Variants in SELENOO observed in about 807,000 individuals in gnomAD.
SELENOO encodes the protein protein adenylyltransferase SelO, mitochondrial.
In SELENOO, 74 loss-of-function variants were observed where a neutral mutation model predicts 58.7. That is an observed-to-expected ratio of 1.26 (90% CI 1.04 to 1.53). The LOEUF (loss-of-function observed/expected upper bound fraction) is 1.53. Among genes scored for constraint, SELENOO ranks in the 40% most tolerant of loss-of-function variants. The pLI is 0.00. For synonymous variants in SELENOO, 543 were observed against 453.2 expected (o/e 1.20, Z -2.52); for missense variants, 1,149 against 970.0 (o/e 1.18, Z -2.45).
chr22:50,211,432 G>A (rs1327004823), intron 5 of SELENOO, among the ~76,000 whole-genome samples: 1 of 152,300 alleles, frequency 6.6e-6, no homozygotes, highest in Non-Finnish European at 1.5e-5. Context: ...CGTGTATGTT[G>A]AACAGAAGGA....
At chr22:50,216,477 C>T (rs143358267) in intron 6 of SELENOO, among the ~76,000 whole-genome samples, 1,662 of 152,360 alleles carry the variant, frequency 0.011, 20 homozygotes, top group South Asian at 0.021. Context: ...GCCCCTCGGC[C>T]CACAAAGGGC....
At chr22:50,215,978 T>C (rs1387256690) in intron 6 of SELENOO, 111 bp downstream of exon 6, 10 of 926,016 alleles carry the variant, frequency 1.1e-5, no homozygotes, top group Non-Finnish European at 1.6e-5. Flanking sequence ...CCCAGGTGGC[T>C]GCTCCGCTCC....
At chr22:50,215,992 G>C (rs1481230696) in intron 6 of SELENOO, 125 bp downstream of exon 6, 1 of 798,548 alleles carries the variant, frequency 1.3e-6, no homozygotes, top group Admixed American at 2.8e-5. Flanking sequence ...CCGCTCCCAG[G>C]GACAGATTCA....
At chr22:50,216,532 AT>A (rs2064413048) in intron 6 of SELENOO, among the ~76,000 whole-genome samples, 158 bp from the exon 7 acceptor site, 1 of 152,204 alleles carries the variant, frequency 6.6e-6, no homozygotes, top group Non-Finnish European at 1.5e-5. Context: ...ACTGGGGTCC[AT>A]CCCTGCCAGT....
rs1569106122 is a variant in SELENOO at position 50,217,141 on chromosome 22, CTGTCCCTGT to C, written c.1845+14_1845+22del. On this transcript the variant is annotated intron_variant, in intron 8 of 8. Transcript: ENST00000380903. Reference sequence around the variant, plus strand: ...GGACTTCTCAGAGGCAAGCACACGCCTGTCCCTGTGGTCCCTGGGAGGGGGGTCGGCCCC... The same window carrying C: ...GGACTTCTCAGAGGCAAGCACACGCCGGTCCCTGGGAGGGGGGTCGGCCCC... 11 of 1,611,724 alleles carry C rather than the reference CTGTCCCTGT, an allele frequency of 6.8e-6. No homozygotes were observed. Among genetic ancestry groups the C allele is most frequent in the Non-Finnish European group, 5.1e-6 (6 of 1,178,980 alleles).
chr22:50,214,670 T>C (rs2013430), intron 5 of SELENOO, among the ~76,000 whole-genome samples: 100,785 of 151,780 alleles, frequency 0.66, 34,604 homozygotes, highest in African/African-American at 0.85. Flanking sequence ...GAGGCTGAGG[T>C]AGGAGAATTG....
In SELENOO at chr22:50,201,192, CCGCGCCCTG is replaced by C. The variant is rs1013965200; in HGVS notation, c.167_175del (p.Arg56_Leu58del). 5.0e-5 allele frequency: 61 copies of C among 1,209,784 alleles called. No individual in the cohort carries two copies. Among genetic ancestry groups the C allele is most frequent in the Non-Finnish European group, 5.9e-5 (57 of 974,142 alleles). 74.9% of individuals were successfully genotyped at this position (1,209,784 alleles called of 1,614,324 possible). A position where few individuals can be genotyped will look rare whatever the true frequency, so the allele number is the denominator to read the frequency against. The stretch of plus-strand genomic sequence containing the variant: ...GGCTGGCGGGGCTGCGCTTCGACAA[CCGCGCCCTG>C]CGCGCCCTGCCCGTGGAGGCGCCGC... On this transcript the variant is annotated inframe_deletion, in exon 1 of 9. Transcript: ENST00000380903.
chr22:50,212,868 C>T (rs572509345), intron 5 of SELENOO, among the ~76,000 whole-genome samples: 26 of 151,840 alleles, frequency 1.7e-4, no homozygotes, highest in African/African-American at 6.0e-4. Flanking sequence ...CTCTAATCTT[C>T]GTGTAAGTGG....
chr22:50,217,162 G>C, intron 8 of SELENOO, 34 bp downstream of exon 8: 14 of 1,609,424 alleles, frequency 8.7e-6, no homozygotes, highest in Non-Finnish European at 1.1e-5. Context: ...GTCCCTGGGA[G>C]GGGGGTCGGC....
chr22:50,208,901 T>G, intron 3 of SELENOO, 185 bp downstream of exon 3: 1 of 522,404 alleles, frequency 1.9e-6, no homozygotes, highest in Non-Finnish European at 3.4e-6. Flanking sequence ...AACCTGAAAC[T>G]CCCCTGGGCT....
chr22:50,215,155 G>C (rs992804477), intron 5 of SELENOO, among the ~76,000 whole-genome samples: 6 of 152,174 alleles, frequency 3.9e-5, no homozygotes, highest in African/African-American at 1.4e-4. Context: ...GGGGAGGATC[G>C]CAGTGTCTGT....
chr22:50,210,538 G>A (rs2064362016), intron 4 of SELENOO, 93 bp from the exon 5 acceptor site: 1 of 1,574,018 alleles, frequency 6.4e-7, no homozygotes, highest in African/African-American at 1.3e-5. Flanking sequence ...GGCCACTTGG[G>A]ACCTTCCCCT....
rs370673318 is a variant in SELENOO, at chr22:50,217,359, G to T, written c.2000G>T (p.Sec667Leu). 1 of 1,612,758 alleles carries T rather than the reference G, an allele frequency of 6.2e-7. No individual in the cohort carries two copies. Among genetic ancestry groups the T allele is most frequent in the Non-Finnish European group, 8.5e-7 (1 of 1,179,896 alleles). Reference sequence around the variant, plus strand: ...TGGGCAGCAGAACTGTGCGTGACATGATCTTCGTAACGGCCTCGGCACGCT... The same window carrying T: ...TGGGCAGCAGAACTGTGCGTGACATTATCTTCGTAACGGCCTCGGCACGCT... ...PLWAAELCVT[U>L]SS Residue 667 changes from selenocysteine (U) to leucine (L), a missense_variant, in exon 9 of 9, where the codon TGA becomes TTA. Coordinates refer to ENST00000380903, the MANE Select transcript of SELENOO (RefSeq NM_031454.2).
In SELENOO at chr22:50,201,382, G is replaced by T. The variant is rs1404118351; in HGVS notation, c.346G>T (p.Ala116Ser). The change falls in exon 1 of 9, where the codon GCC (alanine) becomes TCC (serine). Residue 116 changes from alanine (A) to serine (S), a missense_variant. Physicochemically the swap from Ala to Ser is moderately conservative, Grantham distance 99. Coordinates refer to ENST00000380903, the MANE Select transcript of SELENOO (RefSeq NM_031454.2). The stretch of plus-strand genomic sequence containing the variant: ...CCTGGGCGCGCCGCCCGCGCGCGAG[G>T]CCGAGGCCGAGGCCGCGCTGTTCTT... ...LGLGAPPAREAEAEAALFFSG... is the reference protein window; with the variant it reads ...LGLGAPPARESEAEAALFFSG... 26 of 1,248,370 alleles carry T rather than the reference G, an allele frequency of 2.1e-5. No homozygotes were observed. The highest frequency in any genetic ancestry group is 2.5e-5 in the Non-Finnish European group (25 of 994,886). The allele number at this position is 1,248,370 out of a possible 1,614,324, so 77.3% of individuals were successfully genotyped here.
At position 50,216,926 on chromosome 22, in the gene SELENOO, A is replaced by G. The variant is rs199923580; in HGVS notation, c.1689-46A>G. 1.1e-3 allele frequency: 1,788 copies of G among 1,602,856 alleles called. 12 individuals are homozygous for G. The highest frequency in any genetic ancestry group is 2.3e-3 in the East Asian group (103 of 44,720). On this transcript the variant is annotated intron_variant, in intron 7 of 8. Transcript: ENST00000380903. Reference sequence around the variant, plus strand: ...GGGGGACGGCGGGTCGCGTGCTGGAAAAAGTCCAGCCCGGCTGTGACTCCA... The same window carrying G: ...GGGGGACGGCGGGTCGCGTGCTGGAGAAAGTCCAGCCCGGCTGTGACTCCA...
chr22:50,213,730 C>G (rs577195144), intron 5 of SELENOO, among the ~76,000 whole-genome samples: 1 of 152,272 alleles, frequency 6.6e-6, no homozygotes, highest in African/African-American at 2.4e-5. Flanking sequence ...TCACTGCAAG[C>G]TCCACCTCCC....
Position 50,206,326 on chromosome 22 carries a change from C to G in SELENOO, c.564C>G (p.Asp188Glu), listed in dbSNP as rs371668486. 6.2e-7 allele frequency: 1 copy of G among 1,613,574 alleles called. No homozygotes were observed. The highest frequency in any genetic ancestry group is 2.2e-5 in the East Asian group (1 of 44,896). The change falls in exon 2 of 9, where the codon GAC becomes GAG. Residue 188 changes from aspartate to glutamate, a missense_variant. Asp to Glu is a conservative substitution (Grantham distance 45). Coordinates refer to ENST00000380903, the MANE Select transcript of SELENOO (RefSeq NM_031454.2). ...AGPTPFSRQADGRKVLRSSIR... is the reference protein window; with the variant it reads ...AGPTPFSRQAEGRKVLRSSIR... ...CTGTGTTTGGTTTCAGACAGGCCGA[C>G]GGTCGCAAGGTCCTACGGTCAAGCA...
chr22:50,216,536 C>G (rs2064413084), intron 6 of SELENOO, among the ~76,000 whole-genome samples, 155 bp from the exon 7 acceptor site: 2 of 152,222 alleles, frequency 1.3e-5, no homozygotes, highest in Admixed American at 6.5e-5. Flanking sequence ...GGGTCCATCC[C>G]TGCCAGTGGG....
rs567146231 is a variant in SELENOO, at chr22:50,208,159, C to T, written c.759-377C>T. On this transcript the variant is annotated intron_variant, in intron 2 of 8. Transcript: ENST00000380903. ...TTTAGCAGCCACAACAGGCCAGGCG[C>T]GGTGGCTCACGCCTGTAATCCCAGC... Among the ~76,000 whole-genome samples the T allele has an allele frequency of 4.6e-5, 7 of 152,226 alleles. No individual in the cohort carries two copies. In the South Asian group the frequency reaches 6.2e-4, roughly 14 times the overall value.
Sources: gnomAD v4.1 joint callset for allele counts (sites outside exome capture counted in the v4.1 genomes callset) on GRCh38, gnomAD v4.1.1 for gene constraint, MANE v1.5 for transcripts, NCBI Gene and HGNC (gene_info 2026-07-23, HGNC 2026-07-21) for gene names.